TBC1D5: variants seen among roughly 807,000 people sequenced by gnomAD.
TBC1D5 encodes the protein TBC1 domain family member 5.
In TBC1D5, 75 loss-of-function variants were observed where a neutral mutation model predicts 100.3. The ratio of observed to expected loss-of-function variants is 0.75; its 90% CI spans 0.62 to 0.91. The LOEUF is 0.91. Ranked by LOEUF, TBC1D5 falls within the 40% of genes least tolerant of loss-of-function variation. The pLI, the probability that TBC1D5 is intolerant of heterozygous loss-of-function variation, is 0.00. For missense variants in TBC1D5, 910 were observed against 942.4 expected (o/e 0.97, Z 0.45); for synonymous variants, 323 against 325.6 (o/e 0.99, Z 0.09).
At chr3:17,227,567 G>A (rs569762561) in intron 17 of TBC1D5, among the ~76,000 whole-genome samples, 1 of 151,934 alleles carries the variant, frequency 6.6e-6, no homozygotes, top group African/African-American at 2.4e-5. Flanking sequence ...ATGGAGCTGG[G>A]GGCCATTATC....
At chr3:17,339,940 G>A (rs533694800) in intron 13 of TBC1D5, among the ~76,000 whole-genome samples, 1 of 152,300 alleles carries the variant, frequency 6.6e-6, no homozygotes, top group South Asian at 2.1e-4. Context: ...ATGTTAATGT[G>A]AGAAATATAG....
intron 1 of TBC1D5, among the ~76,000 whole-genome samples, chr3:17,678,718 C>T (rs1002760651): frequency 2.7e-5 from 4 of 145,868 alleles, no homozygotes; most frequent in African/African-American, 1.0e-4. Flanking sequence ...AGATAACATC[C>T]CAAACTGAAA....
At chr3:17,567,396 A>C (rs2096600260) in intron 2 of TBC1D5, among the ~76,000 whole-genome samples, 1 of 151,776 alleles carries the variant, frequency 6.6e-6, no homozygotes, top group Admixed American at 6.6e-5. Flanking sequence ...GTTACCATCA[A>C]AACTATATGA....
chr3:17,277,622 A>AT (rs1233148982), intron 15 of TBC1D5, among the ~76,000 whole-genome samples: 1 of 152,222 alleles, frequency 6.6e-6, no homozygotes, highest in Non-Finnish European at 1.5e-5. Context: ...GAAATGCATT[A>AT]TTGTGTGTTC....
At chr3:17,682,364 T>A (rs557039571) in intron 1 of TBC1D5, among the ~76,000 whole-genome samples, 1 of 151,628 alleles carries the variant, frequency 6.6e-6, no homozygotes, top group African/African-American at 2.4e-5. Flanking sequence ...GCCATACCTA[T>A]CGTTCTGCTC....
chr3:17,408,030 A>G (rs2093819295), intron 4 of TBC1D5, among the ~76,000 whole-genome samples: 1 of 152,040 alleles, frequency 6.6e-6, no homozygotes, highest in South Asian at 2.1e-4. Context: ...TAAGCAGTAC[A>G]GGATAGTGGT....
At chr3:17,728,535 C>T (rs1248983481) in intron 1 of TBC1D5, among the ~76,000 whole-genome samples, 2 of 152,030 alleles carry the variant, frequency 1.3e-5, no homozygotes, top group African/African-American at 4.8e-5. Context: ...TAGAGACAAA[C>T]GGCTCAATGG....
intron 4 of TBC1D5, among the ~76,000 whole-genome samples, chr3:17,422,346 GTT>G (rs200102244): frequency 2.0e-5 from 3 of 147,124 alleles, no homozygotes; most frequent in Non-Finnish European, 4.5e-5. Flanking sequence ...TTTGTTTTTT[GTT>G]TTTTTGTTTT....
At chr3:17,255,435 C>T (rs1292681898) in intron 16 of TBC1D5, among the ~76,000 whole-genome samples, 1 of 152,048 alleles carries the variant, frequency 6.6e-6, no homozygotes, top group Non-Finnish European at 1.5e-5. Context: ...CTCCTGACTT[C>T]GTGATCTGCC....
At chr3:17,542,713 T>C (rs1290070415) in intron 2 of TBC1D5, among the ~76,000 whole-genome samples, 1 of 152,232 alleles carries the variant, frequency 6.6e-6, no homozygotes, top group Non-Finnish European at 1.5e-5. Flanking sequence ...TCTATTGAGA[T>C]GATCATGTGC....
chr3:17,325,005 A>C (rs1368821042), intron 13 of TBC1D5, among the ~76,000 whole-genome samples: 1 of 152,228 alleles, frequency 6.6e-6, no homozygotes, highest in Non-Finnish European at 1.5e-5. Context: ...ATGGTAATAC[A>C]AAATAGCATA....
intron 1 of TBC1D5, among the ~76,000 whole-genome samples, chr3:17,671,461 C>T (rs541797315): frequency 6.6e-6 from 1 of 152,140 alleles, no homozygotes; most frequent in Non-Finnish European, 1.5e-5. Flanking sequence ...TTGACGGCCT[C>T]CCCCAAAGTG....
At chr3:17,559,368 T>C (rs1397415920) in intron 2 of TBC1D5, among the ~76,000 whole-genome samples, 1 of 152,100 alleles carries the variant, frequency 6.6e-6, no homozygotes, top group Non-Finnish European at 1.5e-5. Flanking sequence ...CTCAAACTCC[T>C]GACCTCAAGT....
intron 2 of TBC1D5, among the ~76,000 whole-genome samples, chr3:17,548,131 T>C (rs968003497): frequency 2.0e-5 from 3 of 152,022 alleles, no homozygotes; most frequent in African/African-American, 4.8e-5. Flanking sequence ...AAGGCTAACA[T>C]GGTGAAACCC....
chr3:17,613,940 T>A (rs1315144832), intron 2 of TBC1D5, among the ~76,000 whole-genome samples: 1 of 152,236 alleles, frequency 6.6e-6, no homozygotes, highest in Non-Finnish European at 1.5e-5. Context: ...CTTTTGGTGT[T>A]TCAGTCATGA....
chr3:17,351,822 AAAAG>A (rs1384172780), intron 13 of TBC1D5, among the ~76,000 whole-genome samples: 2 of 112,034 alleles, frequency 1.8e-5, no homozygotes, highest in African/African-American at 8.6e-5. Flanking sequence ...GGAAAAAAAA[AAAAG>A]AGATTCCCTA....
At chr3:17,440,134 C>T (rs943809935) in intron 3 of TBC1D5, among the ~76,000 whole-genome samples, 1 of 152,164 alleles carries the variant, frequency 6.6e-6, no homozygotes, top group South Asian at 2.1e-4. Context: ...AGCAGAGGGA[C>T]AGCCAAAGCA....
intron 1 of TBC1D5, among the ~76,000 whole-genome samples, chr3:17,665,870 T>G (rs1428713655): frequency 6.6e-6 from 1 of 152,192 alleles, no homozygotes; most frequent in Non-Finnish European, 1.5e-5. Flanking sequence ...TCTTTAAAGC[T>G]TGGACACATT....
chr3:17,590,852 C>T (rs1475843785), intron 2 of TBC1D5, among the ~76,000 whole-genome samples: 1 of 152,066 alleles, frequency 6.6e-6, no homozygotes, highest in East Asian at 1.9e-4. Flanking sequence ...TTCCTAGAAG[C>T]GAAAGTGATA....
Sources: gnomAD v4.1 joint callset for allele counts (sites outside exome capture counted in the v4.1 genomes callset) on GRCh38, gnomAD v4.1.1 for gene constraint, MANE v1.5 for transcripts, NCBI Gene and HGNC (gene_info 2026-07-23, HGNC 2026-07-21) for gene names.